The following UIMC1 variants were observed in gnomAD, a reference collection of about 807,000 sequenced individuals.
UIMC1 encodes the protein BRCA1-A complex subunit RAP80.
A neutral mutation model predicts 84.9 loss-of-function variants in UIMC1; 42 were observed. That is an observed-to-expected ratio of 0.49 (90% CI 0.39 to 0.64). The LOEUF is 0.64. Among genes scored for constraint, UIMC1 ranks in the 30% least tolerant of loss-of-function variants. The probability of loss-of-function intolerance (pLI) is 0.00; values close to 1 mark genes in which losing one functional copy is unlikely to be tolerated. For synonymous variants in UIMC1, 281 were observed against 293.0 expected (o/e 0.96, Z 0.42); for missense variants, 825 against 847.6 (o/e 0.97, Z 0.33).
At position 177,006,715 on chromosome 5, in the gene UIMC1, G is replaced by C. The variant is rs1014576086; in HGVS notation, c.-74C>G. 2 of 152,176 alleles carry C rather than the reference G, an allele frequency of 1.3e-5. No individual in the cohort carries two copies. Among genetic ancestry groups the C allele is most frequent in the African/African-American group, 4.8e-5 (2 of 41,456 alleles). The allele number at this position is 152,176 out of a possible 1,614,324, so 9.4% of individuals were successfully genotyped here. A position where few individuals can be genotyped will look rare whatever the true frequency, so the allele number is the denominator to read the frequency against. ...CGGGGGTCGCGAGCCGCCACACGTT[G>C]GGAGCGCGGGGGGAGGGGGAGGGGC... On this transcript the variant is annotated 5_prime_UTR_variant, in exon 1 of 15. Coordinates refer to ENST00000511320, the MANE Select transcript of UIMC1 (RefSeq NM_001199298.2).
chr5:176,981,146 T>G (rs1770979859), intron 2 of UIMC1, among the ~76,000 whole-genome samples: 1 of 134,234 alleles, frequency 7.4e-6, no homozygotes, highest in South Asian at 2.2e-4. Flanking sequence ...TTTTGTTGGT[T>G]TTTTTTTTTT....
intron 10 of UIMC1, among the ~76,000 whole-genome samples, chr5:176,913,474 GT>G (rs1760527679): frequency 6.6e-6 from 1 of 152,220 alleles, no homozygotes; most frequent in South Asian, 2.1e-4. Context: ...TCCTTAATAT[GT>G]GTAGCACCCC....
chr5:176,998,694 G>A (rs1023632731), intron 1 of UIMC1, among the ~76,000 whole-genome samples: 2 of 151,790 alleles, frequency 1.3e-5, no homozygotes, highest in African/African-American at 4.8e-5. Flanking sequence ...TTGAACCCGG[G>A]CGGTGGAGGT....
chr5:176,982,364 G>C (rs1771185450), intron 2 of UIMC1, 105 bp downstream of exon 2: 1 of 1,314,226 alleles, frequency 7.6e-7, no homozygotes, highest in African/African-American at 1.5e-5. Context: ...TCATGGTTTT[G>C]GTGAGCTGGC....
chr5:176,984,604 CCAA>C (rs1278597993), intron 1 of UIMC1, among the ~76,000 whole-genome samples: 17 of 152,014 alleles, frequency 1.1e-4, no homozygotes, highest in Non-Finnish European at 2.4e-4. Context: ...GAGACAGCGA[CCAA>C]CGAGAACAGG....
intron 1 of UIMC1, among the ~76,000 whole-genome samples, chr5:176,993,664 ACT>A (rs959098995): frequency 1.3e-5 from 2 of 152,162 alleles, no homozygotes; most frequent in Admixed American, 6.6e-5. Context: ...ATGTATATTT[ACT>A]TTTTTAACTA....
intron 10 of UIMC1, among the ~76,000 whole-genome samples, chr5:176,922,665 T>C (rs1387414756): frequency 6.6e-6 from 1 of 152,194 alleles, no homozygotes; most frequent in Non-Finnish European, 1.5e-5. Flanking sequence ...ATAAACCATC[T>C]TTGTCTATAC....
At chr5:176,940,826 T>G (rs549772138) in intron 10 of UIMC1, among the ~76,000 whole-genome samples, 247 of 152,358 alleles carry the variant, frequency 1.6e-3, no homozygotes, top group African/African-American at 5.7e-3. Context: ...AGGTACCGTG[T>G]TAAGTACTTT....
intron 1 of UIMC1, among the ~76,000 whole-genome samples, chr5:176,995,614 C>T (rs970798271): frequency 3.4e-5 from 5 of 145,916 alleles, no homozygotes; most frequent in Non-Finnish European, 7.4e-5. Flanking sequence ...GAGTCCAAGG[C>T]GGGTGGATCA....
chr5:177,013,044 G>T (rs1775584884), intron 1 of UIMC1, among the ~76,000 whole-genome samples: 1 of 150,882 alleles, frequency 6.6e-6, no homozygotes, highest in Admixed American at 6.7e-5. Flanking sequence ...TCTTACTATT[G>T]CACTCTAGCC....
intron 2 of UIMC1, 73 bp from the exon 3 acceptor site, chr5:176,975,553 C>G: frequency 6.8e-7 from 1 of 1,480,990 alleles, no homozygotes; most frequent in Non-Finnish European, 9.4e-7. Flanking sequence ...TCTACCTCCC[C>G]TATGGCTAAG....
At chr5:177,015,153 C>T (rs990231998) in intron 1 of UIMC1, among the ~76,000 whole-genome samples, 31 of 152,190 alleles carry the variant, frequency 2.0e-4, no homozygotes, top group Non-Finnish European at 1.6e-4. Flanking sequence ...ATGTGCCAAG[C>T]AATGTGCTAA....
At chr5:176,910,381 T>C (rs1350495866) in intron 11 of UIMC1, among the ~76,000 whole-genome samples, 1 of 152,238 alleles carries the variant, frequency 6.6e-6, no homozygotes, top group Non-Finnish European at 1.5e-5. Flanking sequence ...CAAGATAGCA[T>C]GCTTTGGAAA....
At chr5:176,906,211 T>C in intron 13 of UIMC1, 164 bp from the exon 14 acceptor site, 1 of 602,436 alleles carries the variant, frequency 1.7e-6, no homozygotes, top group Non-Finnish European at 2.9e-6. Context: ...AGCATTAGTG[T>C]CCAACAGACT....
At chr5:176,924,271 T>C (rs1474285895) in intron 10 of UIMC1, among the ~76,000 whole-genome samples, 2 of 151,218 alleles carry the variant, frequency 1.3e-5, no homozygotes, top group Non-Finnish European at 2.9e-5. Context: ...TGAGCCGAGA[T>C]CGTACCACTG....
chr5:177,010,056 T>A (rs963582958), upstream of UIMC1, among the ~76,000 whole-genome samples: 2 of 149,186 alleles, frequency 1.3e-5, no homozygotes, highest in African/African-American at 4.9e-5. Context: ...AAAAAAAAAA[T>A]AAGCAAACAA....
chr5:176,945,651 C>G (rs572782587), intron 9 of UIMC1, among the ~76,000 whole-genome samples: 188 of 152,330 alleles, frequency 1.2e-3, no homozygotes, highest in African/African-American at 4.3e-3. Context: ...AGCCTATAAA[C>G]AGACGCATGG....
chr5:176,979,165 C>G (rs1233669861), intron 2 of UIMC1, among the ~76,000 whole-genome samples: 1 of 152,018 alleles, frequency 6.6e-6, no homozygotes, highest in East Asian at 1.9e-4. Context: ...TTTCAAATAC[C>G]TGGGGAATGG....
At chr5:176,953,450 AATT>A (rs1766154106) in intron 8 of UIMC1, among the ~76,000 whole-genome samples, 2 of 150,692 alleles carry the variant, frequency 1.3e-5, no homozygotes, top group African/African-American at 4.9e-5. Context: ...TTCTAGAATT[AATT>A]ATATTTTAAT....
Sources: allele counts gnomAD v4.1 joint callset (sites outside exome capture counted in the v4.1 genomes callset), GRCh38; gene constraint gnomAD v4.1.1; transcripts MANE v1.5; gene names NCBI Gene and HGNC (gene_info 2026-07-23, HGNC 2026-07-21).